Variants in MICAL3 observed in about 807,000 individuals in gnomAD.
MICAL3 encodes the protein [F-actin]-monooxygenase MICAL3.
MICAL3 carries 62 observed loss-of-function variants against 207.4 expected under a neutral mutation model. That is an observed-to-expected ratio of 0.30 (90% confidence interval 0.24 to 0.37). The LOEUF (loss-of-function observed/expected upper bound fraction) is 0.37, where lower values mean the gene tolerates loss of function less well. Among genes scored for constraint, MICAL3 ranks in the 10% least tolerant of loss-of-function variants. MICAL3 has a pLI of 1.00. For missense variants in MICAL3, 2,368 were observed against 2,635.6 expected (o/e 0.90, Z 2.22); for synonymous variants, 1,077 against 1,069.3 (o/e 1.01, Z -0.14).
At chr22:17,875,239 A>C (rs1928168936) in intron 16 of MICAL3, 2 of 347,594 alleles carry the variant, frequency 5.8e-6, no homozygotes, top group African/African-American at 4.3e-5. Flanking sequence ...GTTGGATGAA[A>C]GCCAGCAGCC....
intron 1 of MICAL3, among the ~76,000 whole-genome samples, chr22:18,010,445 G>A (rs1017387421): frequency 6.6e-6 from 1 of 152,158 alleles, no homozygotes; most frequent in African/African-American, 2.4e-5. Flanking sequence ...AATAGTGCAG[G>A]GAAAGTGAGA....
chr22:18,021,187 T>C (rs1052858022), intron 1 of MICAL3, among the ~76,000 whole-genome samples: 1 of 152,222 alleles, frequency 6.6e-6, no homozygotes, highest in Non-Finnish European at 1.5e-5. Context: ...TTTCAGAGAA[T>C]AGATATTGGT....
intron 1 of MICAL3, among the ~76,000 whole-genome samples, chr22:17,966,252 G>A (rs1569150221): frequency 6.6e-6 from 1 of 152,020 alleles, no homozygotes; most frequent in African/African-American, 2.4e-5. Flanking sequence ...TGAGATAACT[G>A]CCCTCCAAAG....
intron 3 of MICAL3, among the ~76,000 whole-genome samples, chr22:17,903,705 A>C (rs1470943140): frequency 3.3e-5 from 5 of 152,212 alleles, no homozygotes; most frequent in Admixed American, 3.3e-4. Flanking sequence ...GATGCTTTAC[A>C]AACTATAGCC....
At chr22:17,888,401 A>C (rs555912783) in intron 13 of MICAL3, among the ~76,000 whole-genome samples, 2 of 151,224 alleles carry the variant, frequency 1.3e-5, no homozygotes, top group Non-Finnish European at 1.5e-5. Context: ...AGAGACAAGC[A>C]AAGATTTTTG....
intron 1 of MICAL3, among the ~76,000 whole-genome samples, chr22:17,999,032 A>C (rs1241127075): frequency 6.6e-6 from 1 of 152,198 alleles, no homozygotes; most frequent in African/African-American, 2.4e-5. Flanking sequence ...GTTCAGAGGC[A>C]CGGCCCAGCA....
chr22:17,971,108 C>T (rs575380588), intron 1 of MICAL3, among the ~76,000 whole-genome samples: 13 of 152,168 alleles, frequency 8.5e-5, no homozygotes, highest in African/African-American at 2.9e-4. Context: ...GCCCCAGAGG[C>T]GGAGGTCGCA....
intron 2 of MICAL3, among the ~76,000 whole-genome samples, chr22:17,905,505 T>C (rs542011159): frequency 6.6e-5 from 10 of 152,304 alleles, no homozygotes; most frequent in African/African-American, 2.2e-4. Flanking sequence ...TTTGGCTTTG[T>C]TTTTGTTTTG....
chr22:17,865,960 T>C lies in MICAL3; in HGVS notation c.2481A>G (p.Gln827=), dbSNP rs760172102. ...HYCYRLSGYA[Q]RKRPAVAPLS... ...GGGGAGCCACTGCCGGTCTCTTCCT[T>C]TGTGCGTAGCCAGAGAGTCGATAGC... is the stretch of plus-strand genomic sequence containing the variant. The change falls in exon 18 of 32, where the codon CAA becomes CAG. Residue 827 remains glutamine (Q), a synonymous_variant. Coordinates refer to ENST00000441493, the MANE Select transcript of MICAL3 (RefSeq NM_015241.3). The C allele has an allele frequency of 5.0e-6, 8 of 1,614,016 alleles. No individual in the cohort carries two copies. Among genetic ancestry groups the C allele is most frequent in the Admixed American group, 1.7e-5 (1 of 60,036 alleles).
intron 1 of MICAL3, among the ~76,000 whole-genome samples, chr22:17,911,086 G>A (rs1372289754): frequency 6.6e-6 from 1 of 152,220 alleles, no homozygotes; most frequent in Non-Finnish European, 1.5e-5. Context: ...GCTGACTCCA[G>A]CCTGCATGTT....
intron 1 of MICAL3, among the ~76,000 whole-genome samples, chr22:17,971,137 A>C (rs1335131093): frequency 2.0e-5 from 3 of 152,052 alleles, no homozygotes; most frequent in Non-Finnish European, 2.9e-5. Context: ...AGATTGCACC[A>C]CTGCACTCCA....
At chr22:17,877,567 G>GGGAAGTTATGGAGGTTAT (rs1928960300) in intron 16 of MICAL3, among the ~76,000 whole-genome samples, 2 of 131,586 alleles carry the variant, frequency 1.5e-5, no homozygotes, top group African/African-American at 2.9e-5. Context: ...ATGGAGGTTA[G>GGGAAGTTATGGAGGTTAT]GGAGGTTAGG....
intron 29 of MICAL3, among the ~76,000 whole-genome samples, chr22:17,792,545 C>T (rs2061834921): frequency 6.6e-6 from 1 of 152,194 alleles, no homozygotes; most frequent in Non-Finnish European, 1.5e-5. Context: ...CCGAGTCCTC[C>T]CTCACTGCTA....
At chr22:17,938,801 A>C (rs1933672871) in intron 1 of MICAL3, among the ~76,000 whole-genome samples, 1 of 152,190 alleles carries the variant, frequency 6.6e-6, no homozygotes, top group South Asian at 2.1e-4. Flanking sequence ...CACGTGCAGC[A>C]AAAACCATCT....
At chr22:17,961,783 T>C (rs1934924517) in intron 1 of MICAL3, among the ~76,000 whole-genome samples, 2 of 152,242 alleles carry the variant, frequency 1.3e-5, no homozygotes, top group South Asian at 4.1e-4. Flanking sequence ...TTAGCGCCCC[T>C]TCCAAGGCAG....
chr22:17,861,746 T>C, intron 19 of MICAL3: 2 of 985,300 alleles, frequency 2.0e-6, no homozygotes, highest in Non-Finnish European at 2.4e-6. Flanking sequence ...CATTCATAGA[T>C]TTAAGAACAA....
chr22:17,798,378 T>C (rs1345491769), intron 29 of MICAL3, among the ~76,000 whole-genome samples: 1 of 152,190 alleles, frequency 6.6e-6, no homozygotes, highest in African/African-American at 2.4e-5. Context: ...TTTTGGAACA[T>C]CCTGCGTAGA....
At chr22:17,805,958 G>T (rs1195334400) in intron 29 of MICAL3, among the ~76,000 whole-genome samples, 1 of 152,178 alleles carries the variant, frequency 6.6e-6, no homozygotes, top group Non-Finnish European at 1.5e-5. Context: ...TCAAACTCCC[G>T]GCCTCAGGTG....
At position 17,791,046 on chromosome 22, in the gene MICAL3, G is replaced by C; in HGVS notation, c.5776C>G (p.Arg1926Gly). ...IFARELELED[R>G]QSRLQQELRE... Reference sequence around the variant, plus strand: ...AGCTCCTGCTGCAGTCGACTCTGCCGGTCTTCCAGCTCCAGCTCCCGGGCA... The same window carrying C: ...AGCTCCTGCTGCAGTCGACTCTGCCCGTCTTCCAGCTCCAGCTCCCGGGCA... The change falls in exon 31 of 32, where the codon CGG (arginine) becomes GGG (glycine). Residue 1926 changes from arginine (R) to glycine (G), a missense_variant. Arg to Gly is a moderately radical substitution (Grantham distance 125). This residue lies in a region of MICAL3 where 1,770 missense variants were observed against 1,863.2 expected (regional missense o/e 0.95). Transcript: ENST00000441493. 1.2e-6 allele frequency: 2 copies of C among 1,611,984 alleles called. No homozygotes were observed. The highest frequency in any genetic ancestry group is 4.5e-5 in the East Asian group (2 of 44,854).
Sources: gnomAD v4.1 joint callset for allele counts (sites outside exome capture counted in the v4.1 genomes callset) on GRCh38, gnomAD v4.1.1 for gene constraint, gnomAD v4.1.1 regional missense constraint, MANE v1.5 for transcripts, NCBI Gene and HGNC (gene_info 2026-07-23, HGNC 2026-07-21) for gene names.